The following PPEF2 variants were observed in gnomAD, a reference collection of about 807,000 sequenced individuals.
PPEF2 encodes the protein serine/threonine-protein phosphatase with EF-hands 2.
Under a neutral mutation model 84.7 loss-of-function variants are expected in PPEF2, and 84 were observed. That is an observed-to-expected ratio of 0.99 (90% confidence interval 0.83 to 1.19). PPEF2 has a LOEUF of 1.19. Ranked by LOEUF, PPEF2 falls within the 50% of genes most tolerant of loss-of-function variation. PPEF2 has a pLI of 0.00. For missense variants in PPEF2, 924 were observed against 937.5 expected (o/e 0.99, Z 0.19); for synonymous variants, 346 against 345.2 (o/e 1.00, Z -0.03).
intron 2 of PPEF2, among the ~76,000 whole-genome samples, chr4:75,895,008 G>A (rs1407672233): frequency 2.0e-5 from 3 of 152,156 alleles, no homozygotes; most frequent in Non-Finnish European, 4.4e-5. Context: ...AGGCTGGAGG[G>A]CAGTGGCATG....
At chr4:75,897,855 G>C (rs1055894156) in intron 1 of PPEF2, among the ~76,000 whole-genome samples, 2 of 152,134 alleles carry the variant, frequency 1.3e-5, no homozygotes, top group African/African-American at 4.8e-5. Flanking sequence ...CCCTAACCCA[G>C]CGGTGCTAGA....
intron 16 of PPEF2, among the ~76,000 whole-genome samples, chr4:75,862,453 TAA>T (rs1724029728): frequency 6.6e-6 from 1 of 151,352 alleles, no homozygotes; most frequent in African/African-American, 2.4e-5. Context: ...ACAACTCAAA[TAA>T]AAAGACAAAT....
In PPEF2 at chr4:75,896,352, C is replaced by A. The variant is rs769703461; in HGVS notation, c.-27G>T. ...GTTTAAGCGCAATGCTCCTGCAGGA[C>A]GCAGCAGATCCAGAGGACAGTGAGC... On this transcript the variant is annotated 5_prime_UTR_variant, in exon 2 of 17. Transcript: ENST00000286719. The A allele has an allele frequency of 2.5e-6, 4 of 1,612,232 alleles. No homozygotes were observed. Among genetic ancestry groups the A allele is most frequent in the Non-Finnish European group, 2.5e-6 (3 of 1,178,268 alleles).
At chr4:75,868,301 G>C (rs1578001934) in intron 13 of PPEF2, among the ~76,000 whole-genome samples, 1 of 45,486 alleles carries the variant, frequency 2.2e-5, no homozygotes, top group African/African-American at 7.7e-5. Context: ...GGGTGAAAAA[G>C]TAAGACCCTG....
At chr4:75,896,501 A>G (rs984623826) in intron 1 of PPEF2, 118 bp from the exon 2 acceptor site, 1 of 665,826 alleles carries the variant, frequency 1.5e-6, no homozygotes, top group African/African-American at 1.8e-5. Flanking sequence ...GTCTAAGTGC[A>G]CAAGATGTTC....
rs1181103344 is a variant in PPEF2, at chr4:75,867,415, T to C, written c.1654A>G (p.Ser552Gly). The C allele has an allele frequency of 6.2e-7, 1 of 1,611,838 alleles. No homozygotes were observed. The highest frequency in any genetic ancestry group is 8.5e-7 in the Non-Finnish European group (1 of 1,178,284). The change falls in exon 14 of 17, where the codon AGC becomes GGC. Residue 552 changes from serine (S) to glycine (G), a missense_variant. Coordinates refer to ENST00000286719, the MANE Select transcript of PPEF2 (RefSeq NM_006239.3). ...THTLTMRQRI[S>G]RVEESALRAL... ...CTCAGAGCCGACTCCTCCACTCTGC[T>C]AATCCTGGGACAGGAGATGAAAAGC...
intron 1 of PPEF2, among the ~76,000 whole-genome samples, chr4:75,896,904 CAG>C (rs1725023217): frequency 6.6e-6 from 1 of 151,894 alleles, no homozygotes; most frequent in African/African-American, 2.4e-5. Context: ...TTTTTTGAGA[CAG>C]AGTCTTTCTC....
chr4:75,879,657 A>G (rs946117146), intron 10 of PPEF2, among the ~76,000 whole-genome samples: 5 of 152,092 alleles, frequency 3.3e-5, no homozygotes, highest in African/African-American at 1.2e-4. Context: ...TTCTTTTTCT[A>G]TCTTTGTTAG....
At chr4:75,901,820 G>A (rs1339066722) in intron 1 of PPEF2, among the ~76,000 whole-genome samples, 3 of 152,150 alleles carry the variant, frequency 2.0e-5, no homozygotes, top group South Asian at 2.1e-4. Context: ...AAATTAGCTA[G>A]GGGTGGTAGT....
At chr4:75,862,763 T>C (rs1724037939) in intron 16 of PPEF2, among the ~76,000 whole-genome samples, 1 of 152,060 alleles carries the variant, frequency 6.6e-6, no homozygotes, top group Admixed American at 6.6e-5. Flanking sequence ...AAGTTAAACA[T>C]AGAATCACCA....
chr4:75,880,988 G>C (rs548746329), intron 10 of PPEF2, among the ~76,000 whole-genome samples: 8 of 151,558 alleles, frequency 5.3e-5, no homozygotes, highest in Admixed American at 1.3e-4. Flanking sequence ...TTTTAGTAGA[G>C]ACGGGGTTTC....
chr4:75,864,316 C>A (rs1294816727), intron 16 of PPEF2, 124 bp downstream of exon 16: 77 of 728,410 alleles, frequency 1.1e-4, no homozygotes, highest in Non-Finnish European at 8.1e-5. Flanking sequence ...AAGCACTAAT[C>A]TTCTTACCTT....
At chr4:75,889,446 C>A (rs967626387) in intron 5 of PPEF2, among the ~76,000 whole-genome samples, 6 of 152,168 alleles carry the variant, frequency 3.9e-5, no homozygotes, top group Non-Finnish European at 7.3e-5. Flanking sequence ...CCGGCGCATT[C>A]CTCACCACCT....
intron 5 of PPEF2, 75 bp from the exon 6 acceptor site, chr4:75,888,403 G>T: frequency 1.8e-6 from 2 of 1,106,770 alleles, no homozygotes; most frequent in Non-Finnish European, 1.4e-6. Context: ...TACCTTTACT[G>T]CTTAACAACC....
chr4:75,868,849 A>AC (rs1724197853), intron 13 of PPEF2, among the ~76,000 whole-genome samples: 1 of 152,072 alleles, frequency 6.6e-6, no homozygotes, highest in Admixed American at 6.5e-5. Context: ...TACAAAAAAA[A>AC]CTTTTAAAAA....
intron 7 of PPEF2, 60 bp from the exon 8 acceptor site, chr4:75,884,820 T>A: frequency 1.4e-6 from 2 of 1,395,378 alleles, no homozygotes; most frequent in South Asian, 1.4e-5. Context: ...GAAATCAGGT[T>A]AAAACCAATA....
At position 75,864,324 on chromosome 4, in the gene PPEF2, C is replaced by T. The variant is rs1724077155; in HGVS notation, c.2008+116G>A. 3 of 776,826 alleles carry T rather than the reference C, an allele frequency of 3.9e-6. No homozygotes were observed. In the South Asian group the frequency reaches 5.1e-5, roughly 13 times the overall value. The allele number at this position is 776,826 out of a possible 1,614,324, so 48.1% of individuals were successfully genotyped here. The stretch of plus-strand genomic sequence containing the variant: ...CATTTATAAGCACTAATCTTCTTAC[C>T]TTGCTCTCCAAATGCCTGAGTGGAG... On this transcript the variant is annotated intron_variant, in intron 16 of 16. Coordinates refer to ENST00000286719, the MANE Select transcript of PPEF2 (RefSeq NM_006239.3).
At chr4:75,896,801 C>A (rs570267929) in intron 1 of PPEF2, among the ~76,000 whole-genome samples, 4 of 152,174 alleles carry the variant, frequency 2.6e-5, no homozygotes, top group Non-Finnish European at 4.4e-5. Context: ...TTTCCTGATG[C>A]CTCTAATGTC....
chr4:75,868,841 CA>C (rs1013800039), intron 13 of PPEF2, among the ~76,000 whole-genome samples: 1 of 151,424 alleles, frequency 6.6e-6, no homozygotes, highest in African/African-American at 2.4e-5. Flanking sequence ...GGTTTCTTTA[CA>C]AAAAAAACTT....
Sources: gnomAD v4.1 joint callset for allele counts (sites outside exome capture counted in the v4.1 genomes callset) on GRCh38, gnomAD v4.1.1 for gene constraint, MANE v1.5 for transcripts, NCBI Gene and HGNC (gene_info 2026-07-23, HGNC 2026-07-21) for gene names.